MYCBP2: variants seen among roughly 807,000 people sequenced by gnomAD.
MYCBP2 encodes the protein E3 ubiquitin-protein ligase MYCBP2.
Under a neutral mutation model 525.3 loss-of-function variants are expected in MYCBP2, and 120 were observed. That is an observed-to-expected ratio of 0.23 (90% CI 0.20 to 0.27). The LOEUF is 0.27. Ranked by LOEUF, MYCBP2 falls within the 10% of genes least tolerant of loss-of-function variation. The pLI is 1.00. For synonymous variants in MYCBP2, 1,894 were observed against 1,955.8 expected (o/e 0.97, Z 0.83); for missense variants, 4,149 against 5,657.1 (o/e 0.73, Z 8.55).
chr13:77,110,774 C>T lies in MYCBP2; in HGVS notation c.8140+10599G>A, dbSNP rs141123352. ...GCTTAGGGAAAATAGAAAGAACCTA[C>T]GTTGAAATATTGGGGGCGGGTTCCC... is the stretch of plus-strand genomic sequence containing the variant. On this transcript the variant is annotated intron_variant, in intron 55 of 82. Coordinates refer to ENST00000544440, the MANE Select transcript of MYCBP2 (RefSeq NM_015057.5). 1.3e-3 allele frequency among the ~76,000 whole-genome samples: 195 copies of T among 152,216 alleles called. 4 individuals carry two copies. The East Asian group carries it at 0.036, about 28-fold the overall frequency.
intron 14 of MYCBP2, 122 bp from the exon 15 acceptor site, chr13:77,251,477 G>A (rs1218560046): frequency 2.6e-6 from 2 of 759,484 alleles, no homozygotes; most frequent in African/African-American, 1.8e-5. Context: ...ACAAAGAAAT[G>A]CTTAAATTTG....
chr13:77,104,146 T>C (rs941868189), intron 55 of MYCBP2, among the ~76,000 whole-genome samples: 3 of 152,034 alleles, frequency 2.0e-5, no homozygotes, highest in Admixed American at 2.0e-4. Context: ...CAATTAAAAT[T>C]AATCGGTTGT....
At chr13:77,158,844 A>T (rs919622756) in intron 44 of MYCBP2, among the ~76,000 whole-genome samples, 4 of 152,176 alleles carry the variant, frequency 2.6e-5, no homozygotes, top group African/African-American at 7.2e-5. Context: ...TTGGGTAAAA[A>T]GTGGGTGGAA....
chr13:77,311,270 C>CA (rs1432589266), intron 1 of MYCBP2, among the ~76,000 whole-genome samples: 2 of 152,060 alleles, frequency 1.3e-5, no homozygotes, highest in East Asian at 1.9e-4. Context: ...CCCTAAACAA[C>CA]AAAAAACACA....
intron 15 of MYCBP2, among the ~76,000 whole-genome samples, chr13:77,247,039 C>T (rs117419823): frequency 0.013 from 2,006 of 152,178 alleles, 17 homozygotes; most frequent in Non-Finnish European, 0.021. Context: ...AGCTTTTCCT[C>T]GTAATATCAG....
intron 1 of MYCBP2, among the ~76,000 whole-genome samples, chr13:77,318,914 A>G (rs1160860797): frequency 6.6e-6 from 1 of 152,234 alleles, no homozygotes; most frequent in African/African-American, 2.4e-5. Flanking sequence ...TATCACAACT[A>G]GTAAAAATCC....
At chr13:77,164,016 A>G (rs1015776923) in intron 43 of MYCBP2, among the ~76,000 whole-genome samples, 10 of 152,198 alleles carry the variant, frequency 6.6e-5, no homozygotes, top group African/African-American at 1.7e-4. Flanking sequence ...TTGCTGTAGA[A>G]TATCTTTCAT....
chr13:77,111,436 C>CA (rs925716703), intron 55 of MYCBP2, among the ~76,000 whole-genome samples: 2 of 137,136 alleles, frequency 1.5e-5, no homozygotes, highest in African/African-American at 5.3e-5. Flanking sequence ...ATGTCACTTC[C>CA]TTTTTTTTTT....
At chr13:77,300,359 C>T (rs1003581041) in intron 1 of MYCBP2, among the ~76,000 whole-genome samples, 2 of 152,296 alleles carry the variant, frequency 1.3e-5, no homozygotes, top group Admixed American at 1.3e-4. Flanking sequence ...GGTTACAGCA[C>T]GAAAGCAGCC....
intron 20 of MYCBP2, among the ~76,000 whole-genome samples, chr13:77,219,786 G>A (rs1457699555): frequency 6.6e-6 from 1 of 152,074 alleles, no homozygotes; most frequent in East Asian, 1.9e-4. Flanking sequence ...AGGTGTGGTG[G>A]TAGATGGAAT....
intron 54 of MYCBP2, among the ~76,000 whole-genome samples, chr13:77,124,484 T>A (rs1307131421): frequency 1.3e-5 from 2 of 152,222 alleles, no homozygotes; most frequent in Non-Finnish European, 2.9e-5. Flanking sequence ...CCATGTTTGC[T>A]TACATACTTA....
rs993269336 is a variant in MYCBP2 at position 77,077,155 on chromosome 13, G to A, written c.11717C>T (p.Thr3906Met). 3.7e-6 allele frequency: 6 copies of A among 1,613,306 alleles called. No homozygotes were observed. The Admixed American group carries it at 5.0e-5, about 13-fold the overall frequency. ...TGTTGTAAGGACACTCACTTGAGAC[G>A]TAATCAGTCTGAATACTCGCAGAGT... ...AETLRVFRLI[T>M]SQVFGKLISG... The change falls in exon 67 of 83, where the codon ACG becomes ATG. Residue 3906 changes from threonine (T) to methionine (M), a missense_variant. Physicochemically the swap from Thr to Met is moderately conservative, Grantham distance 81 (BLOSUM62 -1). This residue lies in a region of MYCBP2 where 509 missense variants were observed against 789.4 expected (regional missense o/e 0.64). Transcript: ENST00000544440.
chr13:77,242,202 C>A (rs2068960084), intron 17 of MYCBP2, among the ~76,000 whole-genome samples: 1 of 152,202 alleles, frequency 6.6e-6, no homozygotes, highest in Non-Finnish European at 1.5e-5. Flanking sequence ...CAAGCTCCAC[C>A]TGCCAGGTTC....
At chr13:77,251,043 G>A in intron 15 of MYCBP2, 108 bp downstream of exon 15, 1 of 824,500 alleles carries the variant, frequency 1.2e-6, no homozygotes, top group South Asian at 2.0e-5. Context: ...AAGTGAAGAT[G>A]CCACTGGTCT....
At position 77,089,031 on chromosome 13, in the gene MYCBP2, T is replaced by G. The variant is rs1167067142; in HGVS notation, c.10526A>C (p.Glu3509Ala). 3.1e-6 allele frequency: 5 copies of G among 1,601,658 alleles called. No individual in the cohort carries two copies. Among genetic ancestry groups the G allele is most frequent in the Non-Finnish European group, 4.3e-6 (5 of 1,175,388 alleles). Residue 3509 changes from glutamate to alanine, a missense_variant and splice_region_variant, in exon 61 of 83, where the codon GAA (glutamate) becomes GCA (alanine). Transcript: ENST00000544440. ...ATGTCTCAAAAGGGAAGAACCAACT[T>G]CTATTAAAGAAAAAGAAAATTATTA... ...PRRRVNSGDT[E>A]VGSSLLRHPS...
At chr13:77,080,589 G>A (rs1472434509) in intron 65 of MYCBP2, 1 of 152,124 alleles carries the variant, frequency 6.6e-6, no homozygotes. Flanking sequence ...TATAAATTAT[G>A]ATTATTTGGG....
rs376586155 is a variant in MYCBP2, at chr13:77,098,294, T to A, written c.8860A>T (p.Ser2954Cys). Residue 2954 changes from serine to cysteine, a missense_variant, in exon 56 of 83, where the codon AGC becomes TGC. By Grantham distance (112) the Ser-to-Cys change is moderately radical. This residue lies in a region of MYCBP2 where 653 missense variants were observed against 744.7 expected (regional missense o/e 0.88). Coordinates refer to ENST00000544440, the MANE Select transcript of MYCBP2 (RefSeq NM_015057.5). ...TCATCCACACTCTTAAATTCACTGC[T>A]GTCATCGCAGGTGCTGTCTGTTAGA... ...NSLTDSTCDD[S>C]SEFKSVDEGS... is the part of the protein sequence containing the mutation. 23 of 1,611,846 alleles carry A rather than the reference T, an allele frequency of 1.4e-5. No individual in the cohort carries two copies. Among genetic ancestry groups the A allele is most frequent in the Non-Finnish European group, 1.8e-5 (21 of 1,179,796 alleles).
chr13:77,164,729 G>C (rs2058338748), intron 42 of MYCBP2, among the ~76,000 whole-genome samples, 188 bp from the exon 43 acceptor site: 1 of 152,132 alleles, frequency 6.6e-6, no homozygotes, highest in Middle Eastern at 3.2e-3. Context: ...ATAAGGTTCA[G>C]GTTTAAAGGT....
intron 55 of MYCBP2, among the ~76,000 whole-genome samples, chr13:77,107,912 T>C (rs1204609580): frequency 1.3e-5 from 2 of 152,154 alleles, no homozygotes; most frequent in East Asian, 1.9e-4. Context: ...TATGGAATTA[T>C]GTGAATGGTA....
Sources: gnomAD v4.1 joint callset for allele counts (sites outside exome capture counted in the v4.1 genomes callset) on GRCh38, gnomAD v4.1.1 for gene constraint, gnomAD v4.1.1 regional missense constraint, MANE v1.5 for transcripts, NCBI Gene and HGNC (gene_info 2026-07-23, HGNC 2026-07-21) for gene names.